The following LTBP1 variants were observed in gnomAD, a reference collection of about 807,000 sequenced individuals.
The protein encoded by LTBP1 is latent transforming growth factor beta binding protein 1.
LTBP1 carries 129 observed loss-of-function variants against 207.6 expected under a neutral mutation model. That is an observed-to-expected ratio of 0.62 (90% CI 0.54 to 0.72). The LOEUF (loss-of-function observed/expected upper bound fraction) is 0.72, where lower values mean the gene tolerates loss of function less well. Ranked by LOEUF, LTBP1 falls within the 30% of genes least tolerant of loss-of-function variation. LTBP1 has a pLI of 0.00. For missense variants in LTBP1, 2,281 were observed against 2,217.2 expected (o/e 1.03, Z -0.58); for synonymous variants, 963 against 833.7 (o/e 1.16, Z -2.67).
rs1255761861 is a variant in LTBP1, at chr2:32,947,200, C to G, written c.-125C>G. On this transcript the variant is annotated 5_prime_UTR_variant, in exon 1 of 34. Transcript: ENST00000404816. ...TCCTCCCTCGCCACCGACTTGGTCTCCTCCCGCCTTTCCCGGGCTCTCGGC... is the reference window on the plus strand; with the variant it reads ...TCCTCCCTCGCCACCGACTTGGTCTGCTCCCGCCTTTCCCGGGCTCTCGGC... The G allele has an allele frequency of 4.3e-6, 3 of 693,990 alleles. No homozygotes were observed. The African/African-American group carries it at 5.6e-5, about 13-fold the overall frequency. The allele number at this position is 693,990 out of a possible 1,614,324, so 43.0% of individuals were successfully genotyped here. A position where few individuals can be genotyped will look rare whatever the true frequency, so the allele number is the denominator to read the frequency against.
chr2:33,354,706 AC>A (rs2094832997), intron 26 of LTBP1, among the ~76,000 whole-genome samples: 1 of 123,432 alleles, frequency 8.1e-6, no homozygotes, highest in Admixed American at 8.4e-5. Context: ...ACACACACAC[AC>A]ACACACACAC....
chr2:33,152,134 T>C (rs143312754), intron 5 of LTBP1, among the ~76,000 whole-genome samples: 2,282 of 151,804 alleles, frequency 0.015, 23 homozygotes, highest in East Asian at 0.027. Flanking sequence ...AATAGACAAC[T>C]CACAGAGTGG....
intron 5 of LTBP1, among the ~76,000 whole-genome samples, chr2:33,176,634 C>G (rs1010893138): frequency 2.6e-5 from 4 of 152,150 alleles, no homozygotes; most frequent in Admixed American, 6.5e-5. Context: ...CAGCCCAGCA[C>G]TAGATTCTAG....
chr2:33,252,428 G>C (rs923914864), intron 10 of LTBP1, among the ~76,000 whole-genome samples: 1 of 152,172 alleles, frequency 6.6e-6, no homozygotes, highest in African/African-American at 2.4e-5. Context: ...CTAATTGCAT[G>C]CTTGCTAAAA....
chr2:33,303,042 TAA>T (rs2094018079), intron 22 of LTBP1, among the ~76,000 whole-genome samples: 1 of 151,564 alleles, frequency 6.6e-6, no homozygotes. Flanking sequence ...AGATAAGTGA[TAA>T]TATAAGATAG....
chr2:33,266,812 T>C (rs2093193135), intron 15 of LTBP1, among the ~76,000 whole-genome samples: 1 of 152,170 alleles, frequency 6.6e-6, no homozygotes, highest in African/African-American at 2.4e-5. Context: ...CAGTTTTCTG[T>C]ATACCTCATT....
At chr2:33,254,159 G>A (rs2092762580) in intron 11 of LTBP1, among the ~76,000 whole-genome samples, 3 of 151,976 alleles carry the variant, frequency 2.0e-5, no homozygotes, top group African/African-American at 7.2e-5. Flanking sequence ...TGGGATTACA[G>A]GGATGGTTCC....
chr2:33,119,606 G>C (rs2080981612), intron 4 of LTBP1, among the ~76,000 whole-genome samples: 1 of 152,120 alleles, frequency 6.6e-6, no homozygotes, highest in South Asian at 2.1e-4. Flanking sequence ...ACCCAGGCTG[G>C]AGTGGAGTGG....
At chr2:33,324,725 G>A (rs1296971273) in intron 24 of LTBP1, among the ~76,000 whole-genome samples, 3 of 127,732 alleles carry the variant, frequency 2.3e-5, no homozygotes, top group Admixed American at 8.4e-5. Flanking sequence ...TTTTTGAGAC[G>A]GAGTCTCCTT....
chr2:33,014,695 G>A (rs1688126378), intron 2 of LTBP1, among the ~76,000 whole-genome samples: 2 of 152,170 alleles, frequency 1.3e-5, no homozygotes, highest in Admixed American at 6.5e-5. Context: ...TTCAGGGCAT[G>A]GGTTACTTCC....
intron 32 of LTBP1, among the ~76,000 whole-genome samples, chr2:33,391,412 A>C (rs1469266981): frequency 6.6e-6 from 1 of 152,152 alleles, no homozygotes. Flanking sequence ...GCTTCTCTGT[A>C]TATGTTACGG....
rs186847218 is a variant in LTBP1, at chr2:33,079,796, C to T, written c.864-30786C>T. ...CTTCTTAGGAAACCTGTCTGTTTTTCTTCTGTTTACACACTTGCAACACAG... is the reference window on the plus strand; with the variant it reads ...CTTCTTAGGAAACCTGTCTGTTTTTTTTCTGTTTACACACTTGCAACACAG... On this transcript the variant is annotated intron_variant, in intron 3 of 33. Coordinates refer to ENST00000404816, the MANE Select transcript of LTBP1 (RefSeq NM_206943.4). Among the ~76,000 whole-genome samples, 395 of 152,258 alleles carry T rather than the reference C, an allele frequency of 2.6e-3. 3 individuals are homozygous for T. The highest frequency in any genetic ancestry group is 4.5e-3 in the Non-Finnish European group (307 of 68,010).
intron 5 of LTBP1, among the ~76,000 whole-genome samples, chr2:33,170,581 G>A (rs2085342069): frequency 6.6e-6 from 1 of 152,202 alleles, no homozygotes; most frequent in Non-Finnish European, 1.5e-5. Context: ...CTGGGGGCAG[G>A]GCACAGACAA....
At chr2:33,058,241 T>C (rs527838009) in intron 3 of LTBP1, among the ~76,000 whole-genome samples, 136 of 152,228 alleles carry the variant, frequency 8.9e-4, no homozygotes, top group Non-Finnish European at 1.7e-3. Context: ...CATTGAGTAA[T>C]AGAATTATGT....
chr2:33,092,705 G>A (rs977393766), intron 3 of LTBP1, among the ~76,000 whole-genome samples: 1 of 152,178 alleles, frequency 6.6e-6, no homozygotes, highest in African/African-American at 2.4e-5. Context: ...AATGGAAGGA[G>A]TATTTGAGGA....
At chr2:33,350,013 T>C (rs2094758943) in intron 26 of LTBP1, among the ~76,000 whole-genome samples, 1 of 152,196 alleles carries the variant, frequency 6.6e-6, no homozygotes, top group African/African-American at 2.4e-5. Flanking sequence ...TTAACACAAG[T>C]TGGTTAAATG....
chr2:33,184,806 C>A (rs958773275), intron 5 of LTBP1, among the ~76,000 whole-genome samples: 1 of 129,712 alleles, frequency 7.7e-6, no homozygotes, highest in Non-Finnish European at 1.6e-5. Flanking sequence ...TTTAGCATTT[C>A]TTCTAGACAT....
intron 3 of LTBP1, among the ~76,000 whole-genome samples, chr2:33,070,511 T>C (rs1219553680): frequency 6.6e-6 from 1 of 152,220 alleles, no homozygotes; most frequent in African/African-American, 2.4e-5. Context: ...GCCCAGTCAC[T>C]CACCTAAGCG....
intron 18 of LTBP1, among the ~76,000 whole-genome samples, chr2:33,277,813 T>C (rs6543703): frequency 0.047 from 3,156 of 67,720 alleles, 40 homozygotes; most frequent in African/African-American, 0.13. Context: ...CTCTTTCTTT[T>C]TTTCTTTCTT....
Sources: gnomAD v4.1 joint callset for allele counts (sites outside exome capture counted in the v4.1 genomes callset) on GRCh38, gnomAD v4.1.1 for gene constraint, MANE v1.5 for transcripts, NCBI Gene and HGNC (gene_info 2026-07-23, HGNC 2026-07-21) for gene names.